Variants in RAB3C observed in about 807,000 individuals in gnomAD.
The protein encoded by RAB3C is ras-related protein Rab-3C.
A neutral mutation model predicts 26.4 loss-of-function variants in RAB3C; 17 were observed. The ratio of observed to expected loss-of-function variants is 0.64; its 90% CI spans 0.44 to 0.97. The LOEUF is 0.97. Among genes scored for constraint, RAB3C ranks in the 50% least tolerant of loss-of-function variants. The pLI is 0.00. For synonymous variants in RAB3C, 91 were observed against 95.9 expected (o/e 0.95, Z 0.30); for missense variants, 242 against 281.9 (o/e 0.86, Z 1.01).
intron 2 of RAB3C, among the ~76,000 whole-genome samples, chr5:58,718,836 TTA>T (rs1344695631): frequency 1.2e-4 from 18 of 152,058 alleles, no homozygotes; most frequent in Non-Finnish European, 8.8e-5. Context: ...TTTGTAAATT[TTA>T]TTTTAATGGA....
chr5:58,617,610 T>G, intron 1 of RAB3C, 33 bp from the exon 2 acceptor site: 1 of 1,490,344 alleles, frequency 6.7e-7, no homozygotes, highest in Non-Finnish European at 9.4e-7. Flanking sequence ...TCTACACCTA[T>G]TTTGTTTTTG....
intron 4 of RAB3C, among the ~76,000 whole-genome samples, chr5:58,845,168 G>C (rs147150884): frequency 2.6e-3 from 393 of 152,298 alleles, no homozygotes; most frequent in African/African-American, 9.1e-3. Context: ...TGCCACCTCA[G>C]TGAGCAGCAC....
chr5:58,692,257 T>C (rs1193482807), intron 2 of RAB3C, among the ~76,000 whole-genome samples: 2 of 152,164 alleles, frequency 1.3e-5, no homozygotes, highest in Non-Finnish European at 2.9e-5. Context: ...CACTGTTTGT[T>C]CAAACGTTTC....
intron 2 of RAB3C, among the ~76,000 whole-genome samples, chr5:58,676,676 T>G (rs1238255100): frequency 6.6e-6 from 1 of 152,126 alleles, no homozygotes; most frequent in Non-Finnish European, 1.5e-5. Flanking sequence ...ATTGATGACC[T>G]GGCAGCTTCA....
intron 3 of RAB3C, chr5:58,788,217 C>A (rs1742437597): frequency 1.3e-5 from 2 of 152,294 alleles, no homozygotes; most frequent in South Asian, 4.1e-4. Context: ...CTGCTTCAGT[C>A]TGGCTTCTTT....
intron 2 of RAB3C, among the ~76,000 whole-genome samples, chr5:58,668,659 G>A (rs1748048637): frequency 6.6e-6 from 1 of 152,044 alleles, no homozygotes; most frequent in African/African-American, 2.4e-5. Flanking sequence ...TCTAGTTTAA[G>A]GTAATAATTT....
intron 4 of RAB3C, among the ~76,000 whole-genome samples, chr5:58,850,063 C>T (rs1250967258): frequency 6.6e-6 from 1 of 152,180 alleles, no homozygotes; most frequent in African/African-American, 2.4e-5. Flanking sequence ...AAATCAACGT[C>T]CCCTGAATGG....
At chr5:58,689,362 C>G (rs2111855399) in intron 2 of RAB3C, 1 of 152,220 alleles carries the variant, frequency 6.6e-6, no homozygotes, top group East Asian at 1.9e-4. Flanking sequence ...TAACTTTTAA[C>G]TGGCTTAAGT....
At chr5:58,593,320 G>A (rs559752228) in intron 1 of RAB3C, among the ~76,000 whole-genome samples, 77 of 152,198 alleles carry the variant, frequency 5.1e-4, no homozygotes, top group African/African-American at 1.8e-3. Context: ...AGGTACTTGA[G>A]TATTGAAAGA....
At chr5:58,795,519 A>C (rs1742624568) in intron 3 of RAB3C, among the ~76,000 whole-genome samples, 1 of 152,166 alleles carries the variant, frequency 6.6e-6, no homozygotes, top group African/African-American at 2.4e-5. Context: ...AGTTTTCTTA[A>C]CTATAGTTGT....
rs368429224 is a variant in RAB3C, at chr5:58,787,207, G to A, written c.372-37831G>A. On this transcript the variant is annotated intron_variant, in intron 3 of 4. Transcript: ENST00000282878. ...GAAAATAGTTTTGCGTGGAGCTGCC[G>A]CTAGGCTGGCTTCCTTTCTGAACCT... Among the ~76,000 whole-genome samples, 10 of 152,332 alleles carry A rather than the reference G, an allele frequency of 6.6e-5. No homozygotes were observed. In the South Asian group the frequency reaches 1.9e-3, roughly 28 times the overall value.
At chr5:58,821,903 C>A (rs1743349541) in intron 3 of RAB3C, among the ~76,000 whole-genome samples, 1 of 152,216 alleles carries the variant, frequency 6.6e-6, no homozygotes, top group South Asian at 2.1e-4. Context: ...AAGTTGAGAA[C>A]AGCTCATTGC....
intron 3 of RAB3C, among the ~76,000 whole-genome samples, chr5:58,737,323 C>G (rs1741161625): frequency 6.8e-6 from 1 of 147,178 alleles, no homozygotes; most frequent in South Asian, 2.2e-4. Context: ...TTTCATATTG[C>G]AACCTTCTGC....
chr5:58,826,361 G>A (rs1009660816), intron 4 of RAB3C, among the ~76,000 whole-genome samples: 9 of 152,158 alleles, frequency 5.9e-5, no homozygotes, highest in Admixed American at 2.6e-4. Context: ...ACATTGAGAT[G>A]AGCATAAGGT....
intron 3 of RAB3C, among the ~76,000 whole-genome samples, chr5:58,796,058 T>C (rs1203767119): frequency 3.3e-5 from 5 of 152,220 alleles, no homozygotes; most frequent in Admixed American, 3.3e-4. Flanking sequence ...ACTGATATCA[T>C]AGCTTTTCCC....
intron 3 of RAB3C, among the ~76,000 whole-genome samples, chr5:58,776,507 C>T (rs1211980482): frequency 6.6e-6 from 1 of 152,082 alleles, no homozygotes; most frequent in African/African-American, 2.4e-5. Flanking sequence ...ACTCCTTTTT[C>T]TAATGATCTC....
At chr5:58,689,984 C>T (rs896844702) in intron 2 of RAB3C, among the ~76,000 whole-genome samples, 2 of 152,134 alleles carry the variant, frequency 1.3e-5, no homozygotes, top group Non-Finnish European at 2.9e-5. Context: ...TTATATGGCT[C>T]ACTAATTCCT....
chr5:58,660,548 A>G (rs960011343), intron 2 of RAB3C, among the ~76,000 whole-genome samples: 15 of 150,238 alleles, frequency 1.0e-4, no homozygotes, highest in Non-Finnish European at 7.3e-5. Flanking sequence ...AATTTGGCAA[A>G]TATTCTTTAT....
intron 3 of RAB3C, among the ~76,000 whole-genome samples, chr5:58,798,439 C>A (rs1416018927): frequency 1.3e-5 from 2 of 152,084 alleles, no homozygotes; most frequent in Non-Finnish European, 2.9e-5. Context: ...AAGTGCTCAA[C>A]ATCATCATAT....
Sources: allele counts gnomAD v4.1 joint callset (sites outside exome capture counted in the v4.1 genomes callset), GRCh38; gene constraint gnomAD v4.1.1; transcripts MANE v1.5; gene names NCBI Gene and HGNC (gene_info 2026-07-23, HGNC 2026-07-21).